LPA: variants seen among roughly 807,000 people sequenced by gnomAD.
LPA encodes the protein lipoprotein(a), also known as apolipoprotein(a).
In LPA, 199 loss-of-function variants were observed where a neutral mutation model predicts 197.9. That is an observed-to-expected ratio of 1.01 (90% CI 0.90 to 1.13). LPA has a LOEUF of 1.13. Ranked by LOEUF, LPA falls within the 50% of genes most tolerant of loss-of-function variation. The pLI, the probability that LPA is intolerant of heterozygous loss-of-function variation, is 0.00. For missense variants in LPA, 1,853 were observed against 1,785.8 expected (o/e 1.04, Z -0.68); for synonymous variants, 715 against 639.5 (o/e 1.12, Z -1.78).
intron 1 of LPA, among the ~76,000 whole-genome samples, chr6:160,663,085 G>C (rs41269852): frequency 0.014 from 2,166 of 152,252 alleles, 52 homozygotes; most frequent in Middle Eastern, 0.14. Flanking sequence ...CTCCTCTGTT[G>C]CCTTTTAAAA....
chr6:160,580,653 T>C (rs1349990014), intron 26 of LPA, among the ~76,000 whole-genome samples: 2 of 152,204 alleles, frequency 1.3e-5, no homozygotes, highest in African/African-American at 4.8e-5. Flanking sequence ...CTCTTGATTT[T>C]TGATGGCTAA....
intron 26 of LPA, among the ~76,000 whole-genome samples, chr6:160,580,214 TC>T (rs1256469740): frequency 1.3e-5 from 2 of 152,236 alleles, no homozygotes; most frequent in Non-Finnish European, 2.9e-5. Flanking sequence ...AGTAACTTGT[TC>T]CTTGTTGATG....
chr6:160,593,995 G>A lies in LPA; in HGVS notation c.3592C>T (p.His1198Tyr). The A allele has an allele frequency of 1.2e-6, 2 of 1,613,976 alleles. No homozygotes were observed. Among genetic ancestry groups the A allele is most frequent in the Non-Finnish European group, 8.5e-7 (1 of 1,179,870 alleles). ...TCQSWSSMTP[H>Y]WHQRTTEYYP... ...TATTCTGTTGTCCTCTGATGCCAGT[G>A]TGGTGTCATAGAGGACCAAGACTGA... The change falls in exon 22 of 39, where the codon CAC (histidine) becomes TAC (tyrosine). Residue 1198 changes from histidine (H) to tyrosine (Y), a missense_variant. This residue lies in a region of LPA where 1,737 missense variants were observed against 1,504.4 expected (regional missense o/e 1.15). Transcript: ENST00000316300.
chr6:160,608,033 A>G (rs943886826), intron 16 of LPA, among the ~76,000 whole-genome samples: 1 of 152,098 alleles, frequency 6.6e-6, no homozygotes, highest in South Asian at 2.1e-4. Context: ...TCAAATTCTT[A>G]CCTCTACATA....
chr6:160,580,599 T>C (rs909853448), intron 26 of LPA, among the ~76,000 whole-genome samples: 2 of 152,224 alleles, frequency 1.3e-5, no homozygotes, highest in Admixed American at 6.5e-5. Context: ...CTTAATGATA[T>C]CCATGTACAC....
At chr6:160,581,059 A>G (rs1170151174) in intron 26 of LPA, among the ~76,000 whole-genome samples, 31 of 152,084 alleles carry the variant, frequency 2.0e-4, no homozygotes, top group Admixed American at 2.0e-3. Context: ...TGTTACATTG[A>G]GGTCTAAGAG....
chr6:160,557,720 C>T (rs547236410), intron 28 of LPA, 149 bp from the exon 29 acceptor site: 6 of 628,518 alleles, frequency 9.5e-6, no homozygotes, highest in East Asian at 2.7e-5. Context: ...AAAGCAAAAA[C>T]GGTCCTCAAG....
chr6:160,577,007 C>T, intron 28 of LPA, 129 bp downstream of exon 28: 1 of 1,082,958 alleles, frequency 9.2e-7, no homozygotes, highest in Non-Finnish European at 1.4e-6. Context: ...AAGCAAAGGT[C>T]CTGAGACATT....
At chr6:160,603,856 C>T (rs548010374) in intron 18 of LPA, among the ~76,000 whole-genome samples, 1 of 152,104 alleles carries the variant, frequency 6.6e-6, no homozygotes, top group Non-Finnish European at 1.5e-5. Flanking sequence ...TAGAAATTTA[C>T]TAATTCTACT....
chr6:160,605,378 C>G (rs1236414390), intron 17 of LPA, among the ~76,000 whole-genome samples, 173 bp from the exon 18 acceptor site: 2 of 152,184 alleles, frequency 1.3e-5, no homozygotes, highest in Admixed American at 6.5e-5. Flanking sequence ...AGAAAAGCAA[C>G]AACCAACCAA....
Position 160,560,905 on chromosome 6 carries a change from T to TTTTTGG in LPA, c.4632-3335_4632-3334insCCAAAA, listed in dbSNP as rs1340434969. 2.6e-5 allele frequency among the ~76,000 whole-genome samples: 4 copies of TTTTTGG among 152,146 alleles called. No homozygotes were observed. The East Asian group carries it at 7.7e-4, about 29-fold the overall frequency. ...CCTATGTTTTCTTCTAGGGTTTGAT[T>TTTTTGG]TTTTGTTTTTGTTTTTGTTTTTTTG... On this transcript the variant is annotated intron_variant, in intron 28 of 38. Transcript: ENST00000316300.
intron 21 of LPA, 101 bp from the exon 22 acceptor site, chr6:160,594,218 C>T (rs1313288244): frequency 7.0e-7 from 1 of 1,426,426 alleles, no homozygotes; most frequent in Non-Finnish European, 9.9e-7. Flanking sequence ...CTGAGAAAGA[C>T]TACCATGCTC....
At chr6:160,574,586 C>A (rs1048727726) in intron 28 of LPA, among the ~76,000 whole-genome samples, 1 of 152,160 alleles carries the variant, frequency 6.6e-6, no homozygotes, top group Non-Finnish European at 1.5e-5. Context: ...CTGCTGCTTC[C>A]TCTACCCCTA....
At chr6:160,635,618 C>G (rs1444730988) in intron 6 of LPA, among the ~76,000 whole-genome samples, 2 of 124,896 alleles carry the variant, frequency 1.6e-5, no homozygotes. Context: ...GCCTCCTACC[C>G]AATCCATCTC....
At chr6:160,585,233 A>C (rs751211158) in intron 25 of LPA, 28 bp from the exon 26 acceptor site, 17 of 1,612,570 alleles carry the variant, frequency 1.1e-5, no homozygotes, top group Non-Finnish European at 1.4e-5. Flanking sequence ...AATCAAGCTC[A>C]GTATTGCCTA....
chr6:160,611,275 A>G (rs963572759), intron 16 of LPA, among the ~76,000 whole-genome samples: 1 of 152,082 alleles, frequency 6.6e-6, no homozygotes, highest in Non-Finnish European at 1.5e-5. Context: ...GGTGTTGGGC[A>G]AGGGTAATCT....
intron 16 of LPA, 86 bp downstream of exon 16, chr6:160,611,476 T>A: frequency 6.4e-7 from 1 of 1,570,616 alleles, no homozygotes; most frequent in East Asian, 2.2e-5. Flanking sequence ...CAAGTTGAGT[T>A]CGGAGAACTC....
At chr6:160,655,047 C>CAATTGTATGTGAT (rs1202746749) in intron 1 of LPA, among the ~76,000 whole-genome samples, 1 of 152,180 alleles carries the variant, frequency 6.6e-6, no homozygotes, top group African/African-American at 2.4e-5. Context: ...TCAGGACCTG[C>CAATTGTATGTGAT]TCAAGCCCGA....
intron 37 of LPA, among the ~76,000 whole-genome samples, chr6:160,536,801 G>A (rs1228200865): frequency 9.9e-5 from 15 of 152,156 alleles, no homozygotes; most frequent in African/African-American, 3.4e-4. Context: ...AGGAGGTGAG[G>A]TTTTAAAAAT....
Sources: allele counts gnomAD v4.1 joint callset (sites outside exome capture counted in the v4.1 genomes callset), GRCh38; gene constraint gnomAD v4.1.1; regional missense constraint gnomAD v4.1.1; transcripts MANE v1.5; gene names NCBI Gene and HGNC (gene_info 2026-07-23, HGNC 2026-07-21).